Variants in DOCK2 observed in about 807,000 individuals in gnomAD.
DOCK2 encodes the protein dedicator of cytokinesis 2.
DOCK2 carries 87 observed loss-of-function variants against 248.9 expected under a neutral mutation model. The observed-to-expected ratio is 0.35, with a 90% CI of 0.29 to 0.42. The LOEUF (loss-of-function observed/expected upper bound fraction) is 0.42. Among genes scored for constraint, DOCK2 ranks in the 10% least tolerant of loss-of-function variants. The probability of loss-of-function intolerance (pLI) is 1.00; values close to 1 mark genes in which losing one functional copy is unlikely to be tolerated. For synonymous variants in DOCK2, 805 were observed against 821.6 expected (o/e 0.98, Z 0.35); for missense variants, 1,747 against 2,300.2 (o/e 0.76, Z 4.92).
chr5:170,076,454 C>G (rs1284645966), intron 47 of DOCK2, among the ~76,000 whole-genome samples: 1 of 152,174 alleles, frequency 6.6e-6, no homozygotes, highest in Non-Finnish European at 1.5e-5. Context: ...GATTTTTAAT[C>G]CTTTGTATTT....
At chr5:169,780,017 G>T (rs1056033858) in intron 25 of DOCK2, among the ~76,000 whole-genome samples, 7 of 152,190 alleles carry the variant, frequency 4.6e-5, no homozygotes, top group African/African-American at 1.7e-4. Context: ...ACCTTGCCAA[G>T]GTGAGCATTA....
intron 10 of DOCK2, among the ~76,000 whole-genome samples, chr5:169,697,821 GTTC>G (rs2113448456): frequency 6.6e-6 from 1 of 152,288 alleles, no homozygotes; most frequent in East Asian, 1.9e-4. Flanking sequence ...TAGTGTAGGA[GTTC>G]TTTACCTTGG....
chr5:169,889,057 A>G (rs539487824), intron 27 of DOCK2, among the ~76,000 whole-genome samples: 2 of 152,272 alleles, frequency 1.3e-5, no homozygotes, highest in Admixed American at 6.5e-5. Flanking sequence ...ACATGTGGTA[A>G]TGGTCTACTC....
chr5:169,699,004 A>G (rs758458799), intron 11 of DOCK2, among the ~76,000 whole-genome samples: 1 of 152,178 alleles, frequency 6.6e-6, no homozygotes, highest in Admixed American at 6.5e-5. Context: ...GAGCATCATC[A>G]GTACTTAATA....
chr5:170,022,726 C>G (rs1467236932), intron 33 of DOCK2, among the ~76,000 whole-genome samples: 1 of 151,814 alleles, frequency 6.6e-6, no homozygotes, highest in Non-Finnish European at 1.5e-5. Context: ...AGCACAATTA[C>G]CTGCTCATAG....
At chr5:169,674,245 A>G in intron 5 of DOCK2, 52 bp from the exon 6 acceptor site, 1 of 1,592,824 alleles carries the variant, frequency 6.3e-7, no homozygotes, top group Non-Finnish European at 8.6e-7. Flanking sequence ...TGCCAAATAG[A>G]TGGTCATGCC....
chr5:169,988,773 A>G (rs986022358), intron 29 of DOCK2, among the ~76,000 whole-genome samples: 1 of 152,156 alleles, frequency 6.6e-6, no homozygotes, highest in Non-Finnish European at 1.5e-5. Flanking sequence ...CGGCCTCCCA[A>G]AGTAATCTCC....
intron 29 of DOCK2, among the ~76,000 whole-genome samples, chr5:169,995,723 C>T (rs1466691968): frequency 1.3e-5 from 2 of 152,022 alleles, no homozygotes; most frequent in Non-Finnish European, 2.9e-5. Flanking sequence ...TGACAGTTTT[C>T]GTTAGGTGAT....
chr5:169,893,487 T>A (rs942935240), intron 27 of DOCK2, among the ~76,000 whole-genome samples: 7 of 152,038 alleles, frequency 4.6e-5, no homozygotes, highest in African/African-American at 1.7e-4. Flanking sequence ...CCCTTTTTTT[T>A]TTTTTTAGGT....
At chr5:169,930,980 A>G (rs1404162580) in intron 27 of DOCK2, among the ~76,000 whole-genome samples, 2 of 152,222 alleles carry the variant, frequency 1.3e-5, no homozygotes, top group Non-Finnish European at 2.9e-5. Context: ...CTGCACAGCC[A>G]TGGCAGGTAC....
At chr5:169,847,770 A>G (rs1420552751) in intron 27 of DOCK2, among the ~76,000 whole-genome samples, 2 of 152,204 alleles carry the variant, frequency 1.3e-5, no homozygotes, top group Admixed American at 1.3e-4. Context: ...TGCAGAAGCT[A>G]CACATTGGCT....
chr5:170,079,772 G>A (rs917366024), intron 49 of DOCK2: 11 of 171,850 alleles, frequency 6.4e-5, no homozygotes, highest in African/African-American at 2.1e-4. Context: ...GGCAAGGGAG[G>A]GGTGCCAAAT....
rs559610847 is a variant in DOCK2, at chr5:169,958,533, C to T, written c.2800-24535C>T. 5.9e-4 allele frequency among the ~76,000 whole-genome samples: 89 copies of T among 151,982 alleles called. 5 individuals are homozygous for T. In the South Asian group the frequency reaches 0.014, roughly 24 times the overall value. On this transcript the variant is annotated intron_variant, in intron 27 of 51. Coordinates refer to ENST00000520908, the MANE Select transcript of DOCK2 (RefSeq NM_004946.3). Reference sequence around the variant, plus strand: ...GTTACCATTAGCCCAGCCCCCTTTCCGTCTTACTATTAAAATAGAGGACAA... The same window carrying T: ...GTTACCATTAGCCCAGCCCCCTTTCTGTCTTACTATTAAAATAGAGGACAA...
At chr5:169,813,363 A>G (rs1350684751) in intron 26 of DOCK2, among the ~76,000 whole-genome samples, 2 of 152,206 alleles carry the variant, frequency 1.3e-5, no homozygotes, top group African/African-American at 2.4e-5. Flanking sequence ...TGTGTGGTGG[A>G]AATACTGTCT....
At chr5:169,807,064 G>T (rs1767417215) in intron 26 of DOCK2, among the ~76,000 whole-genome samples, 1 of 152,036 alleles carries the variant, frequency 6.6e-6, no homozygotes, top group Admixed American at 6.5e-5. Context: ...GGCGTCACTG[G>T]CTGGGGGTCC....
chr5:169,678,065 C>T (rs937711203), intron 6 of DOCK2, among the ~76,000 whole-genome samples: 1 of 152,170 alleles, frequency 6.6e-6, no homozygotes, highest in Non-Finnish European at 1.5e-5. Flanking sequence ...TAGCTGCGCT[C>T]TCATGCCTGG....
At chr5:169,702,142 C>T (rs1376057800) in intron 13 of DOCK2, 161 bp from the exon 14 acceptor site, 2 of 763,848 alleles carry the variant, frequency 2.6e-6, no homozygotes, top group East Asian at 6.5e-5. Flanking sequence ...CTTCTCCAGC[C>T]TCCCTGATGA....
intron 27 of DOCK2, among the ~76,000 whole-genome samples, chr5:169,879,338 C>T (rs1400868910): frequency 2.0e-5 from 3 of 152,164 alleles, no homozygotes; most frequent in East Asian, 1.9e-4. Context: ...CAGAACACAA[C>T]GCAAGTTTGA....
In DOCK2 at chr5:169,714,460, C is replaced by A; in HGVS notation, c.1941+3C>A. ...TGGATGGAGAGGAAGTGGTGAAGGT[C>A]AGTGGGGCTTCATTTTGATTGTATT... On this transcript the variant is annotated splice_donor_region_variant and intron_variant, in intron 19 of 51. Transcript: ENST00000520908. The A allele has an allele frequency of 1.2e-6, 2 of 1,613,690 alleles. No homozygotes were observed. Among genetic ancestry groups the A allele is most frequent in the South Asian group, 2.2e-5 (2 of 91,006 alleles).
Sources: allele counts gnomAD v4.1 joint callset (sites outside exome capture counted in the v4.1 genomes callset), GRCh38; gene constraint gnomAD v4.1.1; transcripts MANE v1.5; gene names NCBI Gene and HGNC (gene_info 2026-07-23, HGNC 2026-07-21).